The following KIF17 variants were observed in gnomAD, a reference collection of about 807,000 sequenced individuals.
The protein encoded by KIF17 is kinesin-like protein KIF17.
In KIF17, 80 loss-of-function variants were observed where a neutral mutation model predicts 96.8. The ratio of observed to expected loss-of-function variants is 0.83; its 90% CI spans 0.69 to 1.00. The LOEUF (loss-of-function observed/expected upper bound fraction) is 1.00. KIF17 is among the 50% of genes least tolerant of loss of function. The pLI, the probability that KIF17 is intolerant of heterozygous loss-of-function variation, is 0.00. For missense variants in KIF17, 1,280 were observed against 1,372.9 expected (o/e 0.93, Z 1.07); for synonymous variants, 567 against 587.5 (o/e 0.97, Z 0.51).
chr1:20,670,408 C>T lies in KIF17; in HGVS notation c.2790+13G>A. On this transcript the variant is annotated intron_variant, in intron 13 of 14. Coordinates refer to ENST00000400463, the MANE Select transcript of KIF17 (RefSeq NM_001122819.3). ...AGCCCCCGACACCCCACTCCCTCTC[C>T]CGCGGTCCTCACCATGTTCGGCTCG... 6.2e-7 allele frequency: 1 copy of T among 1,613,088 alleles called. No homozygotes were observed. The highest frequency in any genetic ancestry group is 8.5e-7 in the Non-Finnish European group (1 of 1,179,786).
At chr1:20,689,247 A>C (rs868331044) in intron 7 of KIF17, among the ~76,000 whole-genome samples, 1 of 152,164 alleles carries the variant, frequency 6.6e-6, no homozygotes, top group African/African-American at 2.4e-5. Flanking sequence ...TCATCATTCC[A>C]GGCCTGGATT....
intron 4 of KIF17, among the ~76,000 whole-genome samples, chr1:20,706,722 C>CA (rs11402633): frequency 0.2 from 30,408 of 150,984 alleles, 4,282 homozygotes; most frequent in East Asian, 0.7. Flanking sequence ...CCCGTCTCTA[C>CA]AAAAAAAAGT....
Position 20,700,488 on chromosome 1 carries a change from T to G in KIF17, c.1124-2000A>C, listed in dbSNP as rs1260377270. Among the ~76,000 whole-genome samples, 1 of 152,144 alleles carries G rather than the reference T, an allele frequency of 6.6e-6. No individual in the cohort carries two copies. The highest frequency in any genetic ancestry group is 1.5e-5 in the Non-Finnish European group (1 of 68,022). On this transcript the variant is annotated intron_variant, in intron 5 of 14. Transcript: ENST00000400463. This position sits in a 1 kb window ranked among gnomAD's most constrained non-coding sequence, Gnocchi z 4.6. ...AAGTGTCTGGTTTGAACACCTGAGT[T>G]GCCTCTGTCAGCTGTTGGGGGGAGC...
intron 13 of KIF17, among the ~76,000 whole-genome samples, chr1:20,668,167 G>A (rs541923821): frequency 1.8e-3 from 279 of 152,032 alleles, no homozygotes; most frequent in African/African-American, 6.5e-3. Context: ...AAAATTAGCC[G>A]GGCATGGTGG....
rs193301502 is a variant in KIF17 at position 20,688,652 on chromosome 1, G to A, written c.1382-708C>T. Among the ~76,000 whole-genome samples, 232 of 152,324 alleles carry A rather than the reference G, an allele frequency of 1.5e-3. 2 individuals carry two copies. The highest frequency in any genetic ancestry group is 3.4e-3 in the Middle Eastern group (1 of 294). On this transcript the variant is annotated intron_variant, in intron 7 of 14. Coordinates refer to ENST00000400463, the MANE Select transcript of KIF17 (RefSeq NM_001122819.3). ...TGAGAGCTCAGCAGATTTCATGCCCGGGTGCCCTCGGAGCCCTCACTGGAG... is the reference window on the plus strand; with the variant it reads ...TGAGAGCTCAGCAGATTTCATGCCCAGGTGCCCTCGGAGCCCTCACTGGAG...
At chr1:20,691,286 C>T (rs1044192051) in intron 6 of KIF17, among the ~76,000 whole-genome samples, 12 of 151,484 alleles carry the variant, frequency 7.9e-5, no homozygotes, top group East Asian at 5.9e-4. Context: ...AGTGATACTC[C>T]GTCTCAAAAA....
intron 11 of KIF17, among the ~76,000 whole-genome samples, chr1:20,679,062 G>A (rs1477523433): frequency 6.6e-6 from 1 of 150,482 alleles, no homozygotes; most frequent in African/African-American, 2.5e-5. Flanking sequence ...CTGTAATCCC[G>A]GCACTTTGGG....
chr1:20,689,045 C>T (rs1464854737), intron 7 of KIF17, among the ~76,000 whole-genome samples: 3 of 152,164 alleles, frequency 2.0e-5, no homozygotes, highest in Non-Finnish European at 4.4e-5. Context: ...ATATGGCACC[C>T]ACTCCCTAGC....
intron 6 of KIF17, among the ~76,000 whole-genome samples, chr1:20,695,128 G>A (rs530662550): frequency 0.011 from 1,608 of 147,696 alleles, 21 homozygotes; most frequent in African/African-American, 0.037. Flanking sequence ...ATACACACAC[G>A]CACACACACG....
Position 20,704,923 on chromosome 1 carries a change from G to A in KIF17, c.671-24C>T, listed in dbSNP as rs914153132. On this transcript the variant is annotated intron_variant, in intron 4 of 14. Coordinates refer to ENST00000400463, the MANE Select transcript of KIF17 (RefSeq NM_001122819.3). This position sits in a 1 kb window ranked among gnomAD's most constrained non-coding sequence, Gnocchi z 6.8. ...ATCTGCACACAGACCAGGCAAAGTGGCGAGGGCCTCGGGTGAGCCCTATGT... is the reference window on the plus strand; with the variant it reads ...ATCTGCACACAGACCAGGCAAAGTGACGAGGGCCTCGGGTGAGCCCTATGT... 73 of 1,594,384 alleles carry A rather than the reference G, an allele frequency of 4.6e-5. No individual in the cohort carries two copies. Among genetic ancestry groups the A allele is most frequent in the Non-Finnish European group, 5.7e-5 (67 of 1,176,200 alleles).
At position 20,709,874 on chromosome 1, in the gene KIF17, G is replaced by T. The variant is rs768897033; in HGVS notation, c.481-46C>A. 5 of 1,544,398 alleles carry T rather than the reference G, an allele frequency of 3.2e-6. No homozygotes were observed. The African/African-American group carries it at 4.1e-5, about 13-fold the overall frequency. On this transcript the variant is annotated intron_variant, in intron 3 of 14. Transcript: ENST00000400463. This position sits in a 1 kb window ranked among gnomAD's most constrained non-coding sequence, Gnocchi z 4.7. ...AGGGGCGGAACCTCCAGCCGCCAAG[G>T]GTTAGGACCAGGGATGGTCAAGGAA...
intron 11 of KIF17, among the ~76,000 whole-genome samples, chr1:20,682,091 TACAC>T (rs1227756383): frequency 6.6e-6 from 1 of 151,928 alleles, no homozygotes; most frequent in Non-Finnish European, 1.5e-5. Flanking sequence ...TGTTATTTCT[TACAC>T]ACACGCACAC....
chr1:20,712,604 C>A (rs1278579422), intron 3 of KIF17, among the ~76,000 whole-genome samples: 338 of 19,964 alleles, frequency 0.017, 72 homozygotes, highest in African/African-American at 0.028. Flanking sequence ...CTATATATAT[C>A]TATATATATA....
At chr1:20,669,523 G>A (rs1005010210) in intron 13 of KIF17, among the ~76,000 whole-genome samples, 5 of 139,692 alleles carry the variant, frequency 3.6e-5, no homozygotes, top group African/African-American at 5.3e-5. Context: ...GCGACAGAGC[G>A]AGACTCTGTC....
intron 2 of KIF17, among the ~76,000 whole-genome samples, chr1:20,714,409 G>C (rs143081481): frequency 9.2e-5 from 14 of 152,312 alleles, no homozygotes; most frequent in Admixed American, 5.9e-4. Context: ...AGAATTGCTC[G>C]AACCCGGGAG....
At chr1:20,665,798 C>T (rs1000046022) in intron 14 of KIF17, among the ~76,000 whole-genome samples, 4 of 152,296 alleles carry the variant, frequency 2.6e-5, no homozygotes, top group Admixed American at 1.3e-4. Flanking sequence ...TTCTTAAAAG[C>T]GTGTGTTGCA....
intron 3 of KIF17, among the ~76,000 whole-genome samples, chr1:20,712,560 T>TATAGA (rs1553152897): frequency 1.6e-5 from 1 of 63,990 alleles, no homozygotes; most frequent in African/African-American, 4.0e-5. Context: ...ATTATCTATA[T>TATAGA]TATATATATA....
chr1:20,692,426 C>T (rs35961706), intron 6 of KIF17, among the ~76,000 whole-genome samples: 3,208 of 152,124 alleles, frequency 0.021, 72 homozygotes, highest in Non-Finnish European at 0.027. Flanking sequence ...CTGCAACCTC[C>T]ACTTCCCAGG....
intron 11 of KIF17, among the ~76,000 whole-genome samples, chr1:20,673,193 G>A (rs987214127): frequency 1.3e-5 from 2 of 151,970 alleles, no homozygotes; most frequent in African/African-American, 2.4e-5. Flanking sequence ...CAGCCTGGGC[G>A]ACAGAGTGAG....
Sources: allele counts gnomAD v4.1 joint callset (sites outside exome capture counted in the v4.1 genomes callset), GRCh38; gene constraint gnomAD v4.1.1; non-coding constraint Gnocchi (gnomAD v3.1); transcripts MANE v1.5; gene names NCBI Gene and HGNC (gene_info 2026-07-23, HGNC 2026-07-21).